The following SYTL2 variants were observed in gnomAD, a reference collection of about 807,000 sequenced individuals.
SYTL2 encodes synaptotagmin-like protein 2.
SYTL2 carries 165 observed loss-of-function variants against 198.7 expected under a neutral mutation model. The observed-to-expected ratio is 0.83, with a 90% CI of 0.73 to 0.94. SYTL2 has a LOEUF of 0.94. SYTL2 is among the 40% of genes least tolerant of loss of function. SYTL2 has a pLI of 0.00. For missense variants in SYTL2, 2,835 were observed against 2,582.8 expected, an observed-to-expected ratio of 1.10 and a Z score of -2.12; for synonymous variants, 966 against 917.7, an observed-to-expected ratio of 1.05 and a Z score of -0.95.
intron 1 of SYTL2, among the ~76,000 whole-genome samples, chr11:85,809,794 C>T (rs1222451787): frequency 6.6e-5 from 10 of 152,216 alleles, no homozygotes; most frequent in Non-Finnish European, 1.5e-4. Flanking sequence ...CTTCTCCTTC[C>T]TAGCTGCTCT....
the SYTL2 span, among the ~76,000 whole-genome samples, chr11:85,833,023 G>GA: frequency 1.4e-3 from 24 of 16,904 alleles, 2 homozygotes; most frequent in African/African-American, 2.5e-3. Flanking sequence ...AAGAAAGAAA[G>GA]AAAGAAAGAA....
Position 85,698,036 on chromosome 11 carries a change from T to C in SYTL2, c.6311A>G (p.Lys2104Arg). 1 of 1,613,972 alleles carries C rather than the reference T, an allele frequency of 6.2e-7. No individual in the cohort carries two copies. Among genetic ancestry groups the C allele is most frequent in the Non-Finnish European group, 8.5e-7 (1 of 1,179,884 alleles). The change falls in exon 18 of 20, where the codon AAG (lysine) becomes AGG (arginine). Residue 2104 changes from lysine to arginine, a missense_variant. By Grantham distance (26) the Lys-to-Arg change is conservative. This residue lies in a region of SYTL2 where 185 missense variants were observed against 182.1 expected (regional missense o/e 1.02). Coordinates refer to ENST00000359152, the MANE Select transcript of SYTL2 (RefSeq NM_206927.4). ...PTTGEVHIWVKECLDLPLLRG... is the reference protein window; with the variant it reads ...PTTGEVHIWVRECLDLPLLRG... ...TAGCAGTGGTAGATCAAGGCATTCC[T>C]TCACCCAGATGTGCACTTCTCCAGT...
chr11:85,722,594 T>G (rs1266932176), intron 8 of SYTL2, among the ~76,000 whole-genome samples: 1 of 152,132 alleles, frequency 6.6e-6, no homozygotes, highest in Non-Finnish European at 1.5e-5. Flanking sequence ...CTCCTTCTCC[T>G]GTGGGTCAGT....
intron 16 of SYTL2, among the ~76,000 whole-genome samples, chr11:85,703,060 G>C (rs1222277483): frequency 1.3e-5 from 2 of 152,056 alleles, no homozygotes; most frequent in African/African-American, 4.8e-5. Flanking sequence ...TAAAATTGTT[G>C]AATTGTGAAA....
At chr11:85,822,832 G>A in the SYTL2 span, among the ~76,000 whole-genome samples, 1 of 152,226 alleles carries the variant, frequency 6.6e-6, no homozygotes, top group African/African-American at 2.4e-5. Flanking sequence ...CGTAACTAAC[G>A]CCAACATTAA....
chr11:85,743,836 T>C (rs2090969899), intron 4 of SYTL2, among the ~76,000 whole-genome samples: 1 of 152,104 alleles, frequency 6.6e-6, no homozygotes, highest in African/African-American at 2.4e-5. Context: ...GGCAATGAGC[T>C]ATTTGTCTCT....
chr11:85,791,710 T>TC, intron 1 of SYTL2, among the ~76,000 whole-genome samples: 1 of 152,196 alleles, frequency 6.6e-6, no homozygotes. Flanking sequence ...CTCTTTTGAC[T>TC]CCCTCTCTTC....
At chr11:85,788,968 T>C (rs749878611) in intron 1 of SYTL2, among the ~76,000 whole-genome samples, 36 of 151,454 alleles carry the variant, frequency 2.4e-4, no homozygotes, top group South Asian at 4.2e-4. Flanking sequence ...ATTCCACACA[T>C]GTTCCCTATA....
chr11:85,844,321 T>C, the SYTL2 span, among the ~76,000 whole-genome samples: 1 of 152,228 alleles, frequency 6.6e-6, no homozygotes, highest in South Asian at 2.1e-4. Flanking sequence ...ATGAAGCGTG[T>C]AGGGAGTAAT....
the SYTL2 span, among the ~76,000 whole-genome samples, chr11:85,834,760 C>CT: frequency 5.7e-4 from 83 of 146,602 alleles, no homozygotes; most frequent in Admixed American, 5.5e-4. Flanking sequence ...TTTTCTTTTT[C>CT]TTTTTTTTTT....
chr11:85,715,473 T>C (rs1366930953), intron 11 of SYTL2, among the ~76,000 whole-genome samples: 2 of 152,148 alleles, frequency 1.3e-5, no homozygotes, highest in African/African-American at 4.8e-5. Flanking sequence ...ATTGACTTTA[T>C]CATTATAAGA....
At chr11:85,819,707 G>A in the SYTL2 span, among the ~76,000 whole-genome samples, 2 of 152,222 alleles carry the variant, frequency 1.3e-5, no homozygotes, top group Admixed American at 6.5e-5. Context: ...GACCACCAAT[G>A]TAACAGTCTG....
chr11:85,796,455 T>C (rs953097770), intron 1 of SYTL2, among the ~76,000 whole-genome samples: 2 of 152,250 alleles, frequency 1.3e-5, no homozygotes, highest in African/African-American at 2.4e-5. Context: ...TTGCCCCTCA[T>C]TTTTCTAAGA....
chr11:85,831,568 G>T, the SYTL2 span, among the ~76,000 whole-genome samples: 1 of 152,156 alleles, frequency 6.6e-6, no homozygotes, highest in South Asian at 2.1e-4. Flanking sequence ...TATACATGAT[G>T]ATGGCTTAAT....
At chr11:85,803,959 T>C (rs1283449556) in intron 1 of SYTL2, among the ~76,000 whole-genome samples, 4 of 152,204 alleles carry the variant, frequency 2.6e-5, no homozygotes, top group Middle Eastern at 3.2e-3. Flanking sequence ...TTGTTATTTG[T>C]AGCATCCCTA....
At chr11:85,778,928 A>T (rs2092507993) in intron 1 of SYTL2, among the ~76,000 whole-genome samples, 1 of 152,188 alleles carries the variant, frequency 6.6e-6, no homozygotes, top group Non-Finnish European at 1.5e-5. Context: ...CGGTGAGAGG[A>T]GATTGCCCCA....
At chr11:85,717,318 A>C (rs769873826) in intron 11 of SYTL2, among the ~76,000 whole-genome samples, 165 bp downstream of exon 11, 3 of 152,198 alleles carry the variant, frequency 2.0e-5, no homozygotes, top group Non-Finnish European at 4.4e-5. Context: ...AGACAATAGT[A>C]AAATGTTTTC....
intron 11 of SYTL2, chr11:85,714,784 A>T: frequency 1.4e-6 from 1 of 731,616 alleles, no homozygotes; most frequent in Non-Finnish European, 1.8e-6. Context: ...CACTTGAATC[A>T]AATTATACTG....
At chr11:85,795,229 G>A (rs1410971003) in intron 1 of SYTL2, among the ~76,000 whole-genome samples, 1 of 151,422 alleles carries the variant, frequency 6.6e-6, no homozygotes, top group African/African-American at 2.4e-5. Flanking sequence ...TTTATTTTCA[G>A]CCCCCCAAAT....
Sources: allele counts gnomAD v4.1 joint callset (sites outside exome capture counted in the v4.1 genomes callset), GRCh38; gene constraint gnomAD v4.1.1; regional missense constraint gnomAD v4.1.1; transcripts MANE v1.5; gene names NCBI Gene and HGNC (gene_info 2026-07-23, HGNC 2026-07-21).